IQCJ: variants seen among roughly 807,000 people sequenced by gnomAD.
IQCJ encodes the protein IQ domain-containing protein J.
A neutral mutation model predicts 11.0 loss-of-function variants in IQCJ; 9 were observed. That is an observed-to-expected ratio of 0.82 (90% CI 0.49 to 1.43). The LOEUF is 1.43. Ranked by LOEUF, IQCJ falls within the 40% of genes most tolerant of loss-of-function variation. IQCJ has a pLI of 0.00. For synonymous variants in IQCJ, 55 were observed against 51.3 expected (o/e 1.07, Z -0.31); for missense variants, 146 against 133.2 (o/e 1.10, Z -0.47).
At chr3:159,230,069 A>C (rs191472281) in intron 1 of IQCJ, among the ~76,000 whole-genome samples, 69 of 150,962 alleles carry the variant, frequency 4.6e-4, no homozygotes, top group African/African-American at 1.5e-3. Flanking sequence ...TATAATCTGC[A>C]GTGTTTATTG....
At chr3:159,257,710 T>C (rs1479103967) in intron 3 of IQCJ, among the ~76,000 whole-genome samples, 1 of 152,216 alleles carries the variant, frequency 6.6e-6, no homozygotes, top group Non-Finnish European at 1.5e-5. Context: ...AAATATGATA[T>C]ATCTGTTAGG....
At chr3:159,162,016 T>C (rs1721892134) in intron 1 of IQCJ, among the ~76,000 whole-genome samples, 1 of 152,212 alleles carries the variant, frequency 6.6e-6, no homozygotes, top group Admixed American at 6.5e-5. Context: ...CGACACGGGC[T>C]CTTTTTTGGT....
chr3:159,181,718 T>C lies in IQCJ; in HGVS notation c.10-64125T>C, dbSNP rs538017210. ...AGAGTCCTTCTAGAATCCTTCCACATCCATAAAAACCAAGTTGTGTTGACT... is the reference window on the plus strand; with the variant it reads ...AGAGTCCTTCTAGAATCCTTCCACACCCATAAAAACCAAGTTGTGTTGACT... On this transcript the variant is annotated intron_variant, in intron 1 of 3. Coordinates refer to ENST00000397832, the MANE Select transcript of IQCJ (RefSeq NM_001042706.3). Among the ~76,000 whole-genome samples, 176 of 151,832 alleles carry C rather than the reference T, an allele frequency of 1.2e-3. 3 individuals are homozygous for C. Among genetic ancestry groups the C allele is most frequent in the African/African-American group, 4.0e-3 (165 of 41,204 alleles).
At chr3:159,144,615 T>A (rs574672764) in intron 1 of IQCJ, among the ~76,000 whole-genome samples, 2 of 151,764 alleles carry the variant, frequency 1.3e-5, no homozygotes, top group East Asian at 3.9e-4. Flanking sequence ...TGTTTTTCAG[T>A]CTTACTGCCA....
intron 1 of IQCJ, among the ~76,000 whole-genome samples, chr3:159,111,741 A>G (rs1185431942): frequency 2.6e-5 from 4 of 152,212 alleles, no homozygotes; most frequent in African/African-American, 9.6e-5. Context: ...GAGGTGATTC[A>G]GTTTCAGCAA....
chr3:159,200,049 A>ATATATATATATATATAT (rs1560022977), intron 1 of IQCJ, among the ~76,000 whole-genome samples: 3 of 102,686 alleles, frequency 2.9e-5, no homozygotes, highest in East Asian at 3.3e-4. Flanking sequence ...TATATATATA[A>ATATATATATATATATAT]ATCTAAATTA....
At chr3:159,216,282 A>G (rs1725229971) in intron 1 of IQCJ, among the ~76,000 whole-genome samples, 1 of 152,136 alleles carries the variant, frequency 6.6e-6, no homozygotes, top group African/African-American at 2.4e-5. Flanking sequence ...TCTGTCAACC[A>G]GGTCTAATTT....
intron 1 of IQCJ, among the ~76,000 whole-genome samples, chr3:159,078,995 G>C (rs527716666): frequency 2.4e-4 from 36 of 152,180 alleles, no homozygotes; most frequent in African/African-American, 8.4e-4. Flanking sequence ...CTAAATCAGG[G>C]TCCAGGTCAT....
chr3:159,207,920 T>C (rs1724745313), intron 1 of IQCJ, among the ~76,000 whole-genome samples: 1 of 152,210 alleles, frequency 6.6e-6, no homozygotes, highest in African/African-American at 2.4e-5. Context: ...CTGACTTCAT[T>C]TGTACACATT....
intron 1 of IQCJ, among the ~76,000 whole-genome samples, chr3:159,140,615 G>A (rs1176629251): frequency 1.3e-5 from 2 of 152,216 alleles, no homozygotes; most frequent in African/African-American, 4.8e-5. Flanking sequence ...ACAGAGGCAG[G>A]ATAAAATAGG....
intron 1 of IQCJ, among the ~76,000 whole-genome samples, chr3:159,073,613 G>A (rs1715726731): frequency 3.3e-5 from 5 of 151,996 alleles, no homozygotes; most frequent in Non-Finnish European, 7.4e-5. Context: ...TATCTCTCAG[G>A]AAAATCCAAG....
intron 1 of IQCJ, among the ~76,000 whole-genome samples, chr3:159,160,763 A>G (rs1426340001): frequency 7.3e-6 from 1 of 136,076 alleles, no homozygotes; most frequent in African/African-American, 2.8e-5. Flanking sequence ...ATTCCCACCT[A>G]TGAGTGAGAA....
chr3:159,145,015 G>A (rs1436967636), intron 1 of IQCJ, among the ~76,000 whole-genome samples: 1 of 152,112 alleles, frequency 6.6e-6, no homozygotes, highest in Admixed American at 6.5e-5. Context: ...TTTTGCTGCT[G>A]TATCACTGAG....
At chr3:159,207,799 G>A (rs1724738351) in intron 1 of IQCJ, among the ~76,000 whole-genome samples, 1 of 152,176 alleles carries the variant, frequency 6.6e-6, no homozygotes, top group East Asian at 1.9e-4. Context: ...GGTGTTGGGA[G>A]GGGTAATAAC....
chr3:159,089,641 A>T (rs1717087785), intron 1 of IQCJ, among the ~76,000 whole-genome samples: 1 of 151,044 alleles, frequency 6.6e-6, no homozygotes, highest in East Asian at 1.9e-4. Flanking sequence ...TTTTCTCTAA[A>T]CTTCCCTTCT....
chr3:159,176,057 G>T (rs1422558153), intron 1 of IQCJ, among the ~76,000 whole-genome samples: 1 of 152,124 alleles, frequency 6.6e-6, no homozygotes, highest in Admixed American at 6.5e-5. Context: ...ATCTTTTCAT[G>T]TGCTTATTTG....
intron 2 of IQCJ, among the ~76,000 whole-genome samples, chr3:159,246,918 A>G (rs1015252730): frequency 3.9e-5 from 6 of 152,190 alleles, no homozygotes; most frequent in Non-Finnish European, 5.9e-5. Flanking sequence ...AAACTTTTGT[A>G]AAAGTTCAAC....
chr3:159,087,325 T>G (rs1255377129), intron 1 of IQCJ, among the ~76,000 whole-genome samples: 2 of 151,096 alleles, frequency 1.3e-5, no homozygotes, highest in African/African-American at 2.4e-5. Flanking sequence ...TTTGCCAGTA[T>G]TTTATTGAGG....
At chr3:159,125,886 C>T (rs1191629631) in intron 1 of IQCJ, among the ~76,000 whole-genome samples, 1 of 152,246 alleles carries the variant, frequency 6.6e-6, no homozygotes, top group Non-Finnish European at 1.5e-5. Flanking sequence ...CTGTGGGATC[C>T]GTATTCCAAC....
Sources: gnomAD v4.1 joint callset for allele counts (sites outside exome capture counted in the v4.1 genomes callset) on GRCh38, gnomAD v4.1.1 for gene constraint, MANE v1.5 for transcripts, NCBI Gene and HGNC (gene_info 2026-07-23, HGNC 2026-07-21) for gene names.